UTRN: variants seen among roughly 807,000 people sequenced by gnomAD.
The protein encoded by UTRN is dystrophin-related protein 1.
A neutral mutation model predicts 463.9 loss-of-function variants in UTRN; 283 were observed. The observed-to-expected ratio is 0.61, with a 90% CI of 0.55 to 0.67. UTRN has a LOEUF of 0.67. UTRN is among the 30% of genes least tolerant of loss of function. The pLI is 0.00. For synonymous variants in UTRN, 1,442 were observed against 1,431.5 expected (o/e 1.01, Z -0.17); for missense variants, 3,922 against 4,084.3 (o/e 0.96, Z 1.08).
intron 41 of UTRN, 70 bp downstream of exon 41, chr6:144,523,258 T>C: frequency 8.3e-7 from 1 of 1,200,358 alleles, no homozygotes. Flanking sequence ...AAGAAGATCA[T>C]GTGGACACTG....
intron 50 of UTRN, among the ~76,000 whole-genome samples, chr6:144,572,183 C>T (rs528979455): frequency 6.6e-6 from 1 of 152,004 alleles, no homozygotes; most frequent in Non-Finnish European, 1.5e-5. Context: ...GGATTCAGAC[C>T]CTCTTTTCTG....
At chr6:144,718,261 G>A (rs893976776) in intron 53 of UTRN, among the ~76,000 whole-genome samples, 5 of 152,136 alleles carry the variant, frequency 3.3e-5, no homozygotes, top group African/African-American at 1.2e-4. Context: ...CTTGAGGCCA[G>A]GAGTTCAAGA....
At chr6:144,333,093 C>A (rs6902637) in intron 2 of UTRN, 4 of 151,970 alleles carry the variant, frequency 2.6e-5, no homozygotes, top group Admixed American at 6.6e-5. Context: ...CACCACCACA[C>A]GTGGCTAATT....
At chr6:144,694,820 C>T (rs1170410752) in intron 52 of UTRN, among the ~76,000 whole-genome samples, 1 of 151,518 alleles carries the variant, frequency 6.6e-6, no homozygotes, top group Non-Finnish European at 1.5e-5. Context: ...TATTTTATTT[C>T]ATTTTTTTTC....
chr6:144,393,614 G>A (rs555684322), intron 2 of UTRN, among the ~76,000 whole-genome samples: 41 of 152,240 alleles, frequency 2.7e-4, no homozygotes, highest in African/African-American at 9.1e-4. Flanking sequence ...CCAAGATGGC[G>A]GCCTGTGTCA....
chr6:144,616,396 G>A (rs1052783660), intron 51 of UTRN, among the ~76,000 whole-genome samples: 2 of 152,056 alleles, frequency 1.3e-5, no homozygotes, highest in African/African-American at 4.8e-5. Context: ...AACTGTTAGC[G>A]AATCCTTTGG....
chr6:144,512,171 CAG>C (rs1795231025), intron 35 of UTRN, among the ~76,000 whole-genome samples: 1 of 152,114 alleles, frequency 6.6e-6, no homozygotes, highest in African/African-American at 2.4e-5. Flanking sequence ...ATATACCTAA[CAG>C]AGTTGTTAAA....
Position 144,429,721 on chromosome 6 carries a change from G to C in UTRN, c.835G>C (p.Glu279Gln), listed in dbSNP as rs565968197. The C allele has an allele frequency of 6.2e-7, 1 of 1,611,016 alleles. No individual in the cohort carries two copies. Among genetic ancestry groups the C allele is most frequent in the Non-Finnish European group, 8.5e-7 (1 of 1,178,980 alleles). ...LPRKYKKECE[E>Q]EAINIQSTAP... ...AAGGAAATATAAAAAAGAATGTGAA[G>C]AAGAGGCAATTAATATACAGGTACA... Residue 279 changes from glutamate to glutamine, a missense_variant, in exon 9 of 75, where the codon GAA (glutamate) becomes CAA (glutamine). Transcript: ENST00000367545.
intron 69 of UTRN, 135 bp downstream of exon 69, chr6:144,828,990 A>G (rs1197642762): frequency 3.2e-6 from 3 of 941,368 alleles, no homozygotes; most frequent in South Asian, 3.0e-5. Flanking sequence ...AAAAATTTCT[A>G]CGTAGATTTT....
At chr6:144,433,599 A>G (rs1470306178) in intron 9 of UTRN, among the ~76,000 whole-genome samples, 3 of 143,184 alleles carry the variant, frequency 2.1e-5, no homozygotes, top group Non-Finnish European at 4.6e-5. Flanking sequence ...GGCGGTTGCC[A>G]GGCAGAGGGT....
intron 2 of UTRN, among the ~76,000 whole-genome samples, chr6:144,399,613 C>G (rs796586389): frequency 7.2e-5 from 11 of 152,254 alleles, no homozygotes; most frequent in African/African-American, 2.6e-4. Flanking sequence ...ACTGGACACT[C>G]TTAAATTGCT....
chr6:144,713,901 C>G (rs1018578902), intron 53 of UTRN, among the ~76,000 whole-genome samples: 1 of 110,120 alleles, frequency 9.1e-6, no homozygotes, highest in Non-Finnish European at 1.8e-5. Context: ...GCCTGGGAAA[C>G]AAGAGTGAAA....
At chr6:144,311,197 C>T (rs572239104) in intron 2 of UTRN, among the ~76,000 whole-genome samples, 2 of 152,322 alleles carry the variant, frequency 1.3e-5, no homozygotes, top group South Asian at 2.1e-4. Flanking sequence ...AGTAACGATG[C>T]GAATACTTCA....
At chr6:144,653,823 G>T (rs113238474) in intron 51 of UTRN, among the ~76,000 whole-genome samples, 118 of 152,218 alleles carry the variant, frequency 7.8e-4, no homozygotes, top group Non-Finnish European at 1.4e-3. Context: ...ACATTTGATG[G>T]GCATTGTTAA....
At chr6:144,558,743 A>G (rs1799603937) in intron 50 of UTRN, among the ~76,000 whole-genome samples, 1 of 152,056 alleles carries the variant, frequency 6.6e-6, no homozygotes, top group South Asian at 2.1e-4. Flanking sequence ...CCTTCAGGAG[A>G]GAAAGAAGGA....
intron 6 of UTRN, 47 bp downstream of exon 6, chr6:144,424,125 G>T: frequency 1.3e-6 from 2 of 1,590,476 alleles, no homozygotes; most frequent in Non-Finnish European, 1.7e-6. Flanking sequence ...AAAATGTGTT[G>T]TTTGTCTTTT....
At chr6:144,704,030 C>G (rs941461264) in intron 53 of UTRN, among the ~76,000 whole-genome samples, 4 of 152,158 alleles carry the variant, frequency 2.6e-5, no homozygotes, top group African/African-American at 9.7e-5. Flanking sequence ...CCAGCTCAAA[C>G]AGTGGCAGGA....
intron 19 of UTRN, among the ~76,000 whole-genome samples, chr6:144,456,665 T>TAAC (rs1251979313): frequency 6.9e-6 from 1 of 145,036 alleles, no homozygotes; most frequent in Non-Finnish European, 1.5e-5. Flanking sequence ...ATAATAATAA[T>TAAC]AATAATAATA....
chr6:144,724,789 G>C (rs1009415596), intron 53 of UTRN, among the ~76,000 whole-genome samples: 1 of 152,106 alleles, frequency 6.6e-6, no homozygotes, highest in African/African-American at 2.4e-5. Context: ...TACTGAATAA[G>C]ATGTCATTGT....
Sources: gnomAD v4.1 joint callset for allele counts (sites outside exome capture counted in the v4.1 genomes callset) on GRCh38, gnomAD v4.1.1 for gene constraint, MANE v1.5 for transcripts, NCBI Gene and HGNC (gene_info 2026-07-23, HGNC 2026-07-21) for gene names.